TBL1XR1: variants seen among roughly 807,000 people sequenced by gnomAD.
TBL1XR1 encodes F-box-like/WD repeat-containing protein TBL1XR1.
A neutral mutation model predicts 66.9 loss-of-function variants in TBL1XR1; 5 were observed. The ratio of observed to expected loss-of-function variants is 0.07; its 90% CI spans 0.04 to 0.16. The LOEUF is 0.16. Among genes scored for constraint, TBL1XR1 ranks in the 10% least tolerant of loss-of-function variants. The pLI is 1.00. For missense variants in TBL1XR1, 238 were observed against 623.2 expected, an observed-to-expected ratio of 0.38 and a Z score of 6.58; for synonymous variants, 210 against 206.0, an observed-to-expected ratio of 1.02 and a Z score of -0.17.
intron 3 of TBL1XR1, among the ~76,000 whole-genome samples, chr3:177,061,464 C>G (rs1718509074): frequency 2.6e-5 from 4 of 152,158 alleles, no homozygotes; most frequent in Admixed American, 2.6e-4. Context: ...ACATATTTAT[C>G]AAAACATAAA....
chr3:177,100,342 A>G (rs1012391909), intron 1 of TBL1XR1, among the ~76,000 whole-genome samples: 9 of 152,218 alleles, frequency 5.9e-5, no homozygotes, highest in African/African-American at 2.2e-4. Context: ...TAATGTCTTA[A>G]TGATAGTTTT....
chr3:177,151,959 A>T (rs1351498024), intron 1 of TBL1XR1, among the ~76,000 whole-genome samples: 1 of 152,092 alleles, frequency 6.6e-6, no homozygotes, highest in African/African-American at 2.4e-5. Flanking sequence ...GGGAGGTGGA[A>T]GTTGCAGTGA....
intron 10 of TBL1XR1, among the ~76,000 whole-genome samples, chr3:177,041,738 A>G (rs958862645): frequency 6.6e-6 from 1 of 152,122 alleles, no homozygotes; most frequent in Non-Finnish European, 1.5e-5. Context: ...CAGGAGGGCT[A>G]TTGTAAGTTA....
intron 2 of TBL1XR1, among the ~76,000 whole-genome samples, chr3:177,094,238 A>G (rs1723182475): frequency 6.6e-6 from 1 of 152,194 alleles, no homozygotes; most frequent in Non-Finnish European, 1.5e-5. Context: ...CAGTATCACT[A>G]AAAATAAGAG....
chr3:177,061,952 AGC>A (rs1210431646), intron 3 of TBL1XR1, among the ~76,000 whole-genome samples: 1 of 152,206 alleles, frequency 6.6e-6, no homozygotes, highest in Non-Finnish European at 1.5e-5. Context: ...CCAGATCTAA[AGC>A]TACTATGGGC....
chr3:177,054,210 T>C (rs1418996122), intron 3 of TBL1XR1, among the ~76,000 whole-genome samples: 1 of 152,188 alleles, frequency 6.6e-6, no homozygotes, highest in Non-Finnish European at 1.5e-5. Flanking sequence ...ACACAACTTT[T>C]CTTAACAAAA....
At chr3:177,182,182 T>C (rs762060442) in intron 1 of TBL1XR1, among the ~76,000 whole-genome samples, 2 of 150,566 alleles carry the variant, frequency 1.3e-5, no homozygotes, top group Non-Finnish European at 3.0e-5. Context: ...AGCCCAGGAG[T>C]TCAAGACCAG....
intron 1 of TBL1XR1, among the ~76,000 whole-genome samples, chr3:177,117,418 T>A (rs1226289886): frequency 6.6e-6 from 1 of 152,228 alleles, no homozygotes. Context: ...AAATAGTACC[T>A]TTATTTTGGT....
At chr3:177,170,058 A>ATTCCACTG (rs895222040) in intron 1 of TBL1XR1, among the ~76,000 whole-genome samples, 2 of 152,190 alleles carry the variant, frequency 1.3e-5, no homozygotes, top group African/African-American at 2.4e-5. Context: ...GAGAACCACT[A>ATTCCACTG]TTCCACTGTT....
At chr3:177,113,205 C>G (rs1234263001) in intron 1 of TBL1XR1, among the ~76,000 whole-genome samples, 2 of 150,030 alleles carry the variant, frequency 1.3e-5, no homozygotes, top group Non-Finnish European at 3.0e-5. Flanking sequence ...TCACCATATA[C>G]AAAAATTAAA....
At position 177,134,969 on chromosome 3, in the gene TBL1XR1, G is replaced by GTGTGTGTC. The variant is rs1553852550; in HGVS notation, c.-121-36429_-121-36428insGACACACA. On this transcript the variant is annotated intron_variant, in intron 1 of 15. Coordinates refer to ENST00000457928, the MANE Select transcript of TBL1XR1 (RefSeq NM_024665.7). Reference sequence around the variant, plus strand: ...GCTGTGTGTGTGTGTGTGTGTGTCTGTGTGTGTGTCTGTGTGTGTGTGTTT... The same window carrying GTGTGTGTC: ...GCTGTGTGTGTGTGTGTGTGTGTCTGTGTGTGTCTGTGTGTGTCTGTGTGTGTGTGTTT... 1.9e-3 allele frequency among the ~76,000 whole-genome samples: 186 copies of GTGTGTGTC among 95,602 alleles called. 1 individual carries two copies. Among genetic ancestry groups the GTGTGTGTC allele is most frequent in the Admixed American group, 5.7e-3 (54 of 9,464 alleles). 62.7% of individuals were successfully genotyped at this position (95,602 alleles called of 152,430 possible).
intron 2 of TBL1XR1, among the ~76,000 whole-genome samples, chr3:177,073,084 A>G (rs987013254): frequency 6.6e-6 from 1 of 152,202 alleles, no homozygotes; most frequent in Non-Finnish European, 1.5e-5. Flanking sequence ...AAAAAAATAC[A>G]TTAGTAAGTA....
chr3:177,107,181 C>T (rs907591073), intron 1 of TBL1XR1, among the ~76,000 whole-genome samples: 16 of 152,126 alleles, frequency 1.1e-4, no homozygotes, highest in Admixed American at 8.5e-4. Flanking sequence ...TTTGGACACA[C>T]AAAAAATATA....
rs1243683553 is a variant in TBL1XR1, at chr3:177,022,159, C to A, written c.*3339G>T. ...GGAGTGCTTTGTAAGTGAAAAAGTA[C>A]AAATCTTTGGCCTTTCTCTTGACAT... On this transcript the variant is annotated 3_prime_UTR_variant, in exon 16 of 16. Transcript: ENST00000457928. 1 of 152,516 alleles carries A rather than the reference C, an allele frequency of 6.6e-6. No individual in the cohort carries two copies. 9.4% of individuals were successfully genotyped at this position (152,516 alleles called of 1,614,324 possible). A position where few individuals can be genotyped will look rare whatever the true frequency, so the allele number is the denominator to read the frequency against.
chr3:177,135,342 T>C (rs868754890), intron 1 of TBL1XR1, among the ~76,000 whole-genome samples: 102 of 12,846 alleles, frequency 7.9e-3, no homozygotes, highest in African/African-American at 0.03. Context: ...TGTATACATA[T>C]ATATATATAT....
upstream of TBL1XR1, among the ~76,000 whole-genome samples, chr3:177,199,479 C>T (rs997099702): frequency 6.6e-6 from 1 of 150,452 alleles, no homozygotes; most frequent in Non-Finnish European, 1.5e-5. Flanking sequence ...TGAAACATAT[C>T]TATTGGCTTA....
intron 1 of TBL1XR1, among the ~76,000 whole-genome samples, chr3:177,163,726 G>C (rs763644075): frequency 1.3e-5 from 2 of 152,090 alleles, no homozygotes; most frequent in Non-Finnish European, 2.9e-5. Flanking sequence ...CTCTAGGAAA[G>C]TAACTTGGTA....
At chr3:177,181,299 G>C (rs1734791047) in intron 1 of TBL1XR1, among the ~76,000 whole-genome samples, 1 of 151,968 alleles carries the variant, frequency 6.6e-6, no homozygotes, top group African/African-American at 2.4e-5. Context: ...GGCCAACACG[G>C]TGAAACCCCA....
chr3:177,077,456 T>A (rs532669031), intron 2 of TBL1XR1, among the ~76,000 whole-genome samples: 2 of 152,202 alleles, frequency 1.3e-5, no homozygotes, highest in African/African-American at 2.4e-5. Context: ...TATATTCACA[T>A]AATACAAATG....
Sources: gnomAD v4.1 joint callset for allele counts (sites outside exome capture counted in the v4.1 genomes callset) on GRCh38, gnomAD v4.1.1 for gene constraint, MANE v1.5 for transcripts, NCBI Gene and HGNC (gene_info 2026-07-23, HGNC 2026-07-21) for gene names.